The following MCHR1 variants were observed in gnomAD, a reference collection of about 807,000 sequenced individuals.
MCHR1 encodes melanin concentrating hormone receptor 1.
In MCHR1, 13 loss-of-function variants were observed where a neutral mutation model predicts 20.4. The ratio of observed to expected loss-of-function variants is 0.64; its 90% CI spans 0.41 to 1.01. The LOEUF is 1.01. Among genes scored for constraint, MCHR1 ranks in the 50% least tolerant of loss-of-function variants. The probability of loss-of-function intolerance (pLI) is 0.00; values close to 1 mark genes in which losing one functional copy is unlikely to be tolerated. For synonymous variants in MCHR1, 215 were observed against 204.4 expected (o/e 1.05, Z -0.44); for missense variants, 472 against 477.0 (o/e 0.99, Z 0.10).
In MCHR1 at chr22:40,679,551, T is replaced by G. The variant is rs2056868158; in HGVS notation, c.-102T>G. On this transcript the variant is annotated 5_prime_UTR_variant, in exon 1 of 2. Coordinates refer to ENST00000249016, the MANE Select transcript of MCHR1 (RefSeq NM_005297.4). The stretch of plus-strand genomic sequence containing the variant: ...AGACCCCCTTCCCAACTGCGGGGCT[T>G]GCGCTCCGGGACAAGGTGGCAGGCG... The G allele has an allele frequency of 2.5e-6, 4 of 1,613,770 alleles. No individual in the cohort carries two copies. In the East Asian group the frequency reaches 8.9e-5, roughly 36 times the overall value.
rs948134494 is a variant in MCHR1, at chr22:40,681,293, C to G, written c.427C>G (p.Leu143Val). ...GACCGCCATGGCCATTGACCGCTAC[C>G]TGGCCACTGTCCACCCCATCTCTTC... ...ILTAMAIDRYLATVHPISSTK... is the reference protein window; with the variant it reads ...ILTAMAIDRYVATVHPISSTK... The change falls in exon 2 of 2, where the codon CTG becomes GTG. Residue 143 changes from leucine to valine, a missense_variant. By Grantham distance (32) the Leu-to-Val change is conservative (BLOSUM62 1). Coordinates refer to ENST00000249016, the MANE Select transcript of MCHR1 (RefSeq NM_005297.4). The surrounding 1 kb of genome is among the most constrained non-coding windows in gnomAD (Gnocchi z 4.3). 6.2e-7 allele frequency: 1 copy of G among 1,614,068 alleles called. No homozygotes were observed. Among genetic ancestry groups the G allele is most frequent in the African/African-American group, 1.3e-5 (1 of 74,936 alleles).
intron 1 of MCHR1, among the ~76,000 whole-genome samples, chr22:40,680,511 C>G (rs1410240997): frequency 6.6e-6 from 1 of 152,082 alleles, no homozygotes; most frequent in South Asian, 2.1e-4. Flanking sequence ...AGAATCAGTA[C>G]ACAGTTTCCA....
Position 40,682,221 on chromosome 22 carries a change from A to C in MCHR1, c.*293A>C. On this transcript the variant is annotated 3_prime_UTR_variant, in exon 2 of 2. Transcript: ENST00000249016. ...TGGTTTGGATAACCGGTTGCACTAT[A>C]TCTGTGAGCTCTCAAATGTCTTCTT... The C allele has an allele frequency of 2.2e-6, 1 of 458,246 alleles. No homozygotes were observed. Among genetic ancestry groups the C allele is most frequent in the Non-Finnish European group, 4.0e-6 (1 of 247,414 alleles). The allele number at this position is 458,246 out of a possible 1,614,324, so 28.4% of individuals were successfully genotyped here. A position where few individuals can be genotyped will look rare whatever the true frequency, so the allele number is the denominator to read the frequency against.
Position 40,681,315 on chromosome 22 carries a change from C to T in MCHR1, c.449C>T (p.Ser150Phe). 6.2e-7 allele frequency: 1 copy of T among 1,614,232 alleles called. No homozygotes were observed. The highest frequency in any genetic ancestry group is 1.1e-5 in the South Asian group (1 of 91,092). The change falls in exon 2 of 2, where the codon TCT becomes TTT. Residue 150 changes from serine to phenylalanine, a missense_variant. Ser to Phe is a radical substitution (Grantham distance 155). Coordinates refer to ENST00000249016, the MANE Select transcript of MCHR1 (RefSeq NM_005297.4). The surrounding 1 kb of genome is among the most constrained non-coding windows in gnomAD (Gnocchi z 4.3). ...TACCTGGCCACTGTCCACCCCATCTCTTCCACGAAGTTCCGGAAGCCCTCT... is the reference window on the plus strand; with the variant it reads ...TACCTGGCCACTGTCCACCCCATCTTTTCCACGAAGTTCCGGAAGCCCTCT... Reference protein sequence around the residue: ...DRYLATVHPISSTKFRKPSVA... With the variant: ...DRYLATVHPIFSTKFRKPSVA...
chr22:40,680,288 A>G lies in MCHR1; in HGVS notation c.82+554A>G, dbSNP rs567317534. 1.2e-4 allele frequency: 22 copies of G among 188,692 alleles called. 2 individuals are homozygous for G. In the South Asian group the frequency reaches 2.4e-3, roughly 20 times the overall value. The allele number at this position is 188,692 out of a possible 1,614,324, so 11.7% of individuals were successfully genotyped here. A position where few individuals can be genotyped will look rare whatever the true frequency, so the allele number is the denominator to read the frequency against. On this transcript the variant is annotated intron_variant, in intron 1 of 1. Coordinates refer to ENST00000249016, the MANE Select transcript of MCHR1 (RefSeq NM_005297.4). ...TCCAGCTTTGAAGGAGAAAGGAAGG[A>G]AGGAAAAGAGGAAAGGCTTATGTAG...
At position 40,679,524 on chromosome 22, in the gene MCHR1, G is replaced by C. The variant is rs565709738; in HGVS notation, c.-129G>C. On this transcript the variant is annotated 5_prime_UTR_variant, in exon 1 of 2. Transcript: ENST00000249016. ...CGGCAGCGGCTGCCAGGCTACGGAG[G>C]AAGACCCCCTTCCCAACTGCGGGGC... 10 of 1,613,994 alleles carry C rather than the reference G, an allele frequency of 6.2e-6. No individual in the cohort carries two copies. The African/African-American group carries it at 1.2e-4, about 19-fold the overall frequency.
Position 40,679,525 on chromosome 22 carries a change from A to T in MCHR1, c.-128A>T, listed in dbSNP as rs1228782451. 6.2e-7 allele frequency: 1 copy of T among 1,613,812 alleles called. No individual in the cohort carries two copies. The highest frequency in any genetic ancestry group is 8.5e-7 in the Non-Finnish European group (1 of 1,179,914). ...GGCAGCGGCTGCCAGGCTACGGAGG[A>T]AGACCCCCTTCCCAACTGCGGGGCT... On this transcript the variant is annotated 5_prime_UTR_variant, in exon 1 of 2. Coordinates refer to ENST00000249016, the MANE Select transcript of MCHR1 (RefSeq NM_005297.4).
In MCHR1 at chr22:40,681,531, T is replaced by C. The variant is rs1278388384; in HGVS notation, c.665T>C (p.Val222Ala). 2.5e-6 allele frequency: 4 copies of C among 1,612,700 alleles called. No individual in the cohort carries two copies. Among genetic ancestry groups the C allele is most frequent in the South Asian group, 2.2e-5 (2 of 91,084 alleles). The change falls in exon 2 of 2, where the codon GTG becomes GCG. Residue 222 changes from valine (V) to alanine (A), a missense_variant. Val to Ala is a moderately conservative substitution (Grantham distance 64, BLOSUM62 0). Transcript: ENST00000249016. This position sits in a 1 kb window ranked among gnomAD's most constrained non-coding sequence, Gnocchi z 4.3. ...QFFLAFALPF[V>A]VITAAYVRIL... ...TTCCTGGCCTTTGCCCTGCCTTTTG[T>C]GGTCATCACAGCCGCATACGTGAGG... is the stretch of plus-strand genomic sequence containing the variant.
In MCHR1 at chr22:40,681,158, T is replaced by C. The variant is rs2056877726; in HGVS notation, c.292T>C (p.Phe98Leu). Residue 98 changes from phenylalanine (F) to leucine (L), a missense_variant, in exon 2 of 2, where the codon TTC (phenylalanine) becomes CTC (leucine). Transcript: ENST00000249016. This position sits in a 1 kb window ranked among gnomAD's most constrained non-coding sequence, Gnocchi z 4.3. ...VDLLFLLGMP[F>L]MIHQLMGNGV... ...TCTCCTCTTTCTCCTGGGCATGCCC[T>C]TCATGATCCACCAGCTCATGGGCAA... The C allele has an allele frequency of 6.2e-7, 1 of 1,613,584 alleles. No homozygotes were observed. The highest frequency in any genetic ancestry group is 1.3e-5 in the African/African-American group (1 of 74,722).
Position 40,681,844 on chromosome 22 carries a change from G to A in MCHR1, c.978G>A (p.Val326=). The A allele has an allele frequency of 2.5e-6, 4 of 1,614,080 alleles. No individual in the cohort carries two copies. The highest frequency in any genetic ancestry group is 3.4e-6 in the Non-Finnish European group (4 of 1,180,054). ...TCCGCAAACGCTTGGTCCTGTCGGT[G>A]AAGCCTGCAGCCCAGGGGCAGCTTC... ...ETFRKRLVLS[V]KPAAQGQLRA... Residue 326 remains valine, a synonymous_variant, in exon 2 of 2, where the codon GTG becomes GTA. Transcript: ENST00000249016. This position sits in a 1 kb window ranked among gnomAD's most constrained non-coding sequence, Gnocchi z 4.3.
rs200900958 is a variant in MCHR1 at position 40,679,739 on chromosome 22, G to C, written c.82+5G>C. On this transcript the variant is annotated splice_donor_5th_base_variant and intron_variant, in intron 1 of 1. Coordinates refer to ENST00000249016, the MANE Select transcript of MCHR1 (RefSeq NM_005297.4). ...CCGATAACCTCACTTCGGCAGGTGA[G>C]TTGACTGGGAGCCCTCCCTCCTCTG... 2.7e-5 allele frequency: 43 copies of C among 1,614,030 alleles called. No individual in the cohort carries two copies. Among genetic ancestry groups the C allele is most frequent in the Non-Finnish European group, 3.5e-5 (41 of 1,180,036 alleles).
At position 40,681,642 on chromosome 22, in the gene MCHR1, TC is replaced by T; in HGVS notation, c.777del (p.Ile259MetfsTer19). 1.9e-6 allele frequency: 3 copies of T among 1,614,274 alleles called. No individual in the cohort carries two copies. The highest frequency in any genetic ancestry group is 2.5e-6 in the Non-Finnish European group (3 of 1,180,052). ...ACAAAGAGGGTGACCCGCACAGCCATCGCCATCTGTCTGGTCTTCTTTGTGT... is the reference window on the plus strand; with the variant it reads ...ACAAAGAGGGTGACCCGCACAGCCATGCCATCTGTCTGGTCTTCTTTGTGT... The part of the protein sequence containing the change: ...LRTKRVTRTA[I>X]AICLVFFVCW... On this transcript the variant is annotated frameshift_variant, in exon 2 of 2. Coordinates refer to ENST00000249016, the MANE Select transcript of MCHR1 (RefSeq NM_005297.4). LOFTEE classifies it high-confidence loss of function. This position sits in a 1 kb window ranked among gnomAD's most constrained non-coding sequence, Gnocchi z 4.3.
Position 40,679,595 on chromosome 22 carries a change from T to G in MCHR1, c.-58T>G, listed in dbSNP as rs1162369472. 1 of 1,613,856 alleles carries G rather than the reference T, an allele frequency of 6.2e-7. No individual in the cohort carries two copies. Among genetic ancestry groups the G allele is most frequent in the South Asian group, 1.1e-5 (1 of 91,074 alleles). On this transcript the variant is annotated 5_prime_UTR_variant, in exon 1 of 2. Transcript: ENST00000249016. ...GCAGGCGCTGGAGGCTGCCGCAGCC[T>G]GCGTGGGTGGAGGGGAGCTCAGCTC...
In MCHR1 at chr22:40,681,534, T is replaced by C; in HGVS notation, c.668T>C (p.Val223Ala). Reference sequence around the variant, plus strand: ...CTGGCCTTTGCCCTGCCTTTTGTGGTCATCACAGCCGCATACGTGAGGATC... The same window carrying C: ...CTGGCCTTTGCCCTGCCTTTTGTGGCCATCACAGCCGCATACGTGAGGATC... ...FFLAFALPFV[V>A]ITAAYVRILQ... Residue 223 changes from valine to alanine, a missense_variant, in exon 2 of 2, where the codon GTC becomes GCC. Transcript: ENST00000249016. The surrounding 1 kb of genome is among the most constrained non-coding windows in gnomAD (Gnocchi z 4.3). The C allele has an allele frequency of 1.9e-6, 3 of 1,612,716 alleles. No individual in the cohort carries two copies. The highest frequency in any genetic ancestry group is 2.5e-6 in the Non-Finnish European group (3 of 1,180,038).
Position 40,681,609 on chromosome 22 carries a change from G to A in MCHR1, c.743G>A (p.Arg248Gln), listed in dbSNP as rs45439291. The A allele has an allele frequency of 3.6e-3, 5,765 of 1,614,132 alleles. 14 individuals carry two copies. The highest frequency in any genetic ancestry group is 4.1e-3 in the Non-Finnish European group (4,854 of 1,180,032). The change falls in exon 2 of 2, where the codon CGG becomes CAG. Residue 248 changes from arginine to glutamine, a missense_variant. Arg to Gln is a conservative substitution (Grantham distance 43, BLOSUM62 1). Transcript: ENST00000249016. The surrounding 1 kb of genome is among the most constrained non-coding windows in gnomAD (Gnocchi z 4.3). ...GCCCCCGCCTCCCAGCGCAGCATCCGGCTGCGGACAAAGAGGGTGACCCGC... is the reference window on the plus strand; with the variant it reads ...GCCCCCGCCTCCCAGCGCAGCATCCAGCTGCGGACAAAGAGGGTGACCCGC... Reference protein sequence around the residue: ...SVAPASQRSIRLRTKRVTRTA... With the variant: ...SVAPASQRSIQLRTKRVTRTA...
Position 40,681,721 on chromosome 22 carries a change from G to T in MCHR1, c.855G>T (p.Pro285=). The T allele has an allele frequency of 6.2e-7, 1 of 1,614,220 alleles. No homozygotes were observed. The highest frequency in any genetic ancestry group is 8.5e-7 in the Non-Finnish European group (1 of 1,180,044). ...TGACCCAGTTGTCCATCAGCCGCCC[G>T]ACCCTCACCTTTGTCTACTTATACA... ...LQLTQLSISR[P]TLTFVYLYNA... Residue 285 remains proline (P), a synonymous_variant, in exon 2 of 2, where the codon CCG becomes CCT. Transcript: ENST00000249016. The surrounding 1 kb of genome is among the most constrained non-coding windows in gnomAD (Gnocchi z 4.3).
In MCHR1 at chr22:40,681,071, T is replaced by C. The variant is rs755694362; in HGVS notation, c.205T>C (p.Ser69Pro). The change falls in exon 2 of 2, where the codon TCC becomes CCC. Residue 69 changes from serine (S) to proline (P), a missense_variant. Transcript: ENST00000249016. This position sits in a 1 kb window ranked among gnomAD's most constrained non-coding sequence, Gnocchi z 4.3. ...STVIFAVVKK[S>P]KLHWCNNVPD... ...GGTCATCTTCGCGGTCGTGAAGAAGTCCAAGCTGCACTGGTGCAACAACGT... is the reference window on the plus strand; with the variant it reads ...GGTCATCTTCGCGGTCGTGAAGAAGCCCAAGCTGCACTGGTGCAACAACGT... The C allele has an allele frequency of 1.9e-6, 3 of 1,613,984 alleles. No homozygotes were observed. The East Asian group carries it at 6.7e-5, about 36-fold the overall frequency.
At chr22:40,680,863 G>C (rs868216323) in intron 1 of MCHR1, 86 bp from the exon 2 acceptor site, 1 of 1,588,670 alleles carries the variant, frequency 6.3e-7, no homozygotes, top group African/African-American at 1.3e-5. Flanking sequence ...ACGGTGGGTC[G>C]CTGGAGGCTG....
In MCHR1 at chr22:40,681,442, G is replaced by C; in HGVS notation, c.576G>C (p.Val192=). The change falls in exon 2 of 2, where the codon GTG becomes GTC. Residue 192 remains valine (V), a synonymous_variant. Coordinates refer to ENST00000249016, the MANE Select transcript of MCHR1 (RefSeq NM_005297.4). This position sits in a 1 kb window ranked among gnomAD's most constrained non-coding sequence, Gnocchi z 4.3. The stretch of plus-strand genomic sequence containing the variant: ...TCATCCCCTTCCCAGGAGGTGCAGT[G>C]GGCTGCGGCATACGCCTGCCCAACC... ...ARLIPFPGGA[V]GCGIRLPNPD... 6.2e-7 allele frequency: 1 copy of C among 1,613,746 alleles called. No individual in the cohort carries two copies. The highest frequency in any genetic ancestry group is 8.5e-7 in the Non-Finnish European group (1 of 1,180,036).
Sources: allele counts gnomAD v4.1 joint callset (sites outside exome capture counted in the v4.1 genomes callset), GRCh38; gene constraint gnomAD v4.1.1; non-coding constraint Gnocchi (gnomAD v3.1); transcripts MANE v1.5; gene names NCBI Gene and HGNC (gene_info 2026-07-23, HGNC 2026-07-21).